CEP112: variants seen among roughly 807,000 people sequenced by gnomAD.
CEP112 encodes the protein centrosomal protein of 112 kDa.
In CEP112, 127 loss-of-function variants were observed where a neutral mutation model predicts 153.0. The observed-to-expected ratio is 0.83, with a 90% CI of 0.72 to 0.96. The LOEUF (loss-of-function observed/expected upper bound fraction) is 0.96, where lower values mean the gene tolerates loss of function less well. CEP112 is among the 40% of genes least tolerant of loss of function. The pLI is 0.00. For synonymous variants in CEP112, 358 were observed against 374.4 expected (o/e 0.96, Z 0.51); for missense variants, 1,089 against 1,101.2 (o/e 0.99, Z 0.16).
chr17:66,184,321 T>C (rs1019565349), intron 1 of CEP112, among the ~76,000 whole-genome samples: 38 of 151,950 alleles, frequency 2.5e-4, no homozygotes, highest in Admixed American at 2.4e-3. Context: ...GCAAAGGACG[T>C]TGTTAAGGAA....
At chr17:66,014,532 ACT>A (rs556757267) in intron 16 of CEP112, among the ~76,000 whole-genome samples, 48 of 151,826 alleles carry the variant, frequency 3.2e-4, no homozygotes, top group African/African-American at 1.2e-3. Context: ...CCTCATCAAA[ACT>A]CTCTGGGCTC....
intron 20 of CEP112, among the ~76,000 whole-genome samples, chr17:65,869,602 CAG>C: frequency 7.6e-6 from 1 of 131,338 alleles, no homozygotes; most frequent in Non-Finnish European, 1.6e-5. Context: ...TTTTTTCAGA[CAG>C]AGTCTCACTC....
At chr17:65,870,555 A>C (rs1369578479) in intron 20 of CEP112, among the ~76,000 whole-genome samples, 2 of 152,210 alleles carry the variant, frequency 1.3e-5, no homozygotes, top group Non-Finnish European at 2.9e-5. Context: ...AAAAGTAGAA[A>C]CATTCCAGTT....
At chr17:66,062,749 G>T in intron 11 of CEP112, among the ~76,000 whole-genome samples, 1 of 152,024 alleles carries the variant, frequency 6.6e-6, no homozygotes, top group East Asian at 1.9e-4. Flanking sequence ...CTAGTCAAAA[G>T]AATATTTTCT....
At chr17:66,149,870 T>G (rs1374940777) in intron 4 of CEP112, among the ~76,000 whole-genome samples, 5 of 88,378 alleles carry the variant, frequency 5.7e-5, no homozygotes, top group Non-Finnish European at 9.1e-5. Context: ...AATTTAGGGT[T>G]TTTTTTTTTG....
intron 7 of CEP112, 99 bp from the exon 8 acceptor site, chr17:66,096,427 G>T: frequency 1.7e-6 from 2 of 1,206,910 alleles, no homozygotes; most frequent in Non-Finnish European, 1.2e-6. Context: ...TACCAAAATA[G>T]TACTAACACT....
chr17:65,822,871 A>G (rs969981), intron 21 of CEP112, among the ~76,000 whole-genome samples: 114,015 of 151,970 alleles, frequency 0.75, 42,977 homozygotes, highest in East Asian at 0.87. Context: ...AATAGTGACT[A>G]GAATTAATAA....
intron 17 of CEP112, among the ~76,000 whole-genome samples, chr17:65,971,606 GCATA>G (rs1309988284): frequency 3.5e-5 from 5 of 144,690 alleles, no homozygotes; most frequent in African/African-American, 1.4e-4. Context: ...CATATTGTGT[GCATA>G]TTATATGTAT....
intron 23 of CEP112, among the ~76,000 whole-genome samples, chr17:65,706,574 C>T (rs955135684): frequency 2.6e-4 from 39 of 152,176 alleles, no homozygotes; most frequent in African/African-American, 4.8e-4. Flanking sequence ...CAAAACTGGA[C>T]GTATTATCAG....
chr17:65,925,623 A>G (rs902735040), intron 19 of CEP112, among the ~76,000 whole-genome samples: 2 of 152,156 alleles, frequency 1.3e-5, no homozygotes, highest in African/African-American at 4.8e-5. Flanking sequence ...TAAGTTTGCA[A>G]TCGTAGTCAG....
intron 21 of CEP112, among the ~76,000 whole-genome samples, chr17:65,782,980 A>G (rs2054082946): frequency 6.6e-6 from 1 of 152,228 alleles, no homozygotes; most frequent in Admixed American, 6.5e-5. Context: ...AGTTGAAAAA[A>G]AAATAAAAAT....
intron 19 of CEP112, among the ~76,000 whole-genome samples, chr17:65,926,543 T>C (rs1317909391): frequency 6.6e-6 from 1 of 152,056 alleles, no homozygotes; most frequent in Non-Finnish European, 1.5e-5. Flanking sequence ...TGAAACCCTG[T>C]CTCTACTAAA....
chr17:65,877,066 A>C (rs1167022277), intron 20 of CEP112, among the ~76,000 whole-genome samples: 1 of 152,174 alleles, frequency 6.6e-6, no homozygotes, highest in Non-Finnish European at 1.5e-5. Flanking sequence ...GCAGATGAGA[A>C]GCTCTGCACG....
At chr17:66,158,093 T>C (rs11869910) in intron 4 of CEP112, among the ~76,000 whole-genome samples, 5,189 of 152,200 alleles carry the variant, frequency 0.034, 131 homozygotes, top group Middle Eastern at 0.061. Context: ...ACATTCTTCT[T>C]AGCACCATAT....
At chr17:66,054,315 G>A (rs1386535704) in intron 11 of CEP112, among the ~76,000 whole-genome samples, 2 of 152,108 alleles carry the variant, frequency 1.3e-5, no homozygotes, top group Non-Finnish European at 2.9e-5. Context: ...GTTAAAAACT[G>A]CTTTCTCCCC....
intron 16 of CEP112, among the ~76,000 whole-genome samples, chr17:66,019,244 C>T (rs534895471): frequency 4.5e-4 from 69 of 152,234 alleles, no homozygotes; most frequent in Non-Finnish European, 8.1e-4. Context: ...TTTCCTCCCC[C>T]TGAAGAGATA....
At chr17:66,089,536 A>G (rs1431601663) in intron 8 of CEP112, among the ~76,000 whole-genome samples, 1 of 152,180 alleles carries the variant, frequency 6.6e-6, no homozygotes, top group Non-Finnish European at 1.5e-5. Context: ...AACGAATGAA[A>G]AGAAAAATAT....
At chr17:66,072,635 G>T (rs1201381327) in intron 8 of CEP112, among the ~76,000 whole-genome samples, 2 of 152,140 alleles carry the variant, frequency 1.3e-5, no homozygotes, top group East Asian at 3.9e-4. Flanking sequence ...AGGCTAGTTT[G>T]TCCCAATATC....
At chr17:65,899,629 T>C (rs1032719268) in intron 20 of CEP112, among the ~76,000 whole-genome samples, 5 of 152,154 alleles carry the variant, frequency 3.3e-5, no homozygotes, top group Admixed American at 3.3e-4. Flanking sequence ...ATGTACTACA[T>C]ATTTGGAAGA....
Sources: allele counts gnomAD v4.1 joint callset (sites outside exome capture counted in the v4.1 genomes callset), GRCh38; gene constraint gnomAD v4.1.1; transcripts MANE v1.5; gene names NCBI Gene and HGNC (gene_info 2026-07-23, HGNC 2026-07-21).